Variants in DMD observed in about 807,000 individuals in gnomAD.
DMD encodes dystrophin.
DMD carries 63 observed loss-of-function variants against 330.1 expected under a neutral mutation model. That is an observed-to-expected ratio of 0.19 (90% confidence interval 0.16 to 0.24). The LOEUF is 0.24. Ranked by LOEUF, DMD falls within the 10% of genes least tolerant of loss-of-function variation. The pLI is 1.00. For missense variants in DMD, 3,344 were observed against 2,684.1 expected (o/e 1.25, Z -5.43); for synonymous variants, 1,223 against 959.8 (o/e 1.27, Z -5.07).
At chrX:31,792,005 G>A (rs1477705981) in intron 50 of DMD, among the ~76,000 whole-genome samples, 1 of 111,866 alleles carries the variant, frequency 8.9e-6, no homozygotes, top group Admixed American at 9.5e-5. Context: ...ATATTCTCAA[G>A]AGGTATGCCT....
chrX:33,103,713 C>T (rs1487314561), intron 1 of DMD, among the ~76,000 whole-genome samples: 1 of 111,279 alleles, frequency 9.0e-6, no homozygotes, highest in Admixed American at 9.7e-5. Flanking sequence ...TTCACACGGA[C>T]GCGACTGAAA....
At chrX:33,316,776 G>A (rs2053938043) in intron 1 of DMD, among the ~76,000 whole-genome samples, 1 of 110,542 alleles carries the variant, frequency 9.0e-6, no homozygotes, top group African/African-American at 3.3e-5. Flanking sequence ...CACATTAATC[G>A]TTTTCAGTCA....
chrX:32,558,974 G>A (rs1370002719), intron 16 of DMD, among the ~76,000 whole-genome samples: 5 of 63,447 alleles, frequency 7.9e-5, no homozygotes, highest in Non-Finnish European at 1.2e-4. Context: ...TTTTTGAGAC[G>A]AAGTCTCGCT....
chrX:31,251,532 A>G (rs1292693123), intron 63 of DMD, among the ~76,000 whole-genome samples: 1 of 112,232 alleles, frequency 8.9e-6, no homozygotes. Context: ...AATATCACCA[A>G]TTCATAAATA....
chrX:32,939,763 T>C (rs2090275998), intron 2 of DMD, among the ~76,000 whole-genome samples: 1 of 111,362 alleles, frequency 9.0e-6, no homozygotes, highest in Admixed American at 9.6e-5. Context: ...ACCAGTAATT[T>C]TCAAGCTAAG....
At chrX:32,433,355 T>G (rs2098246166) in intron 29 of DMD, among the ~76,000 whole-genome samples, 1 of 111,878 alleles carries the variant, frequency 8.9e-6, no homozygotes, top group Admixed American at 9.5e-5. Context: ...TTTAATATCC[T>G]TTCAATTTCT....
At chrX:32,560,420 TATA>T (rs1179613663) in intron 16 of DMD, among the ~76,000 whole-genome samples, 8 of 111,377 alleles carry the variant, frequency 7.2e-5, no homozygotes, top group African/African-American at 2.6e-4. Context: ...AAATATTAAT[TATA>T]ATAAATTTCT....
At chrX:31,576,636 C>CT (rs34015267) in intron 55 of DMD, among the ~76,000 whole-genome samples, 1 of 110,716 alleles carries the variant, frequency 9.0e-6, no homozygotes, top group African/African-American at 3.3e-5. Context: ...CTTTCAAATA[C>CT]TTTTTTTTAA....
At chrX:31,654,100 T>C (rs137864300) in intron 54 of DMD, among the ~76,000 whole-genome samples, 37 of 112,379 alleles carry the variant, frequency 3.3e-4, no homozygotes, top group African/African-American at 1.1e-3. Context: ...AATATAAACA[T>C]TAGTTTACTT....
chrX:32,684,213 T>G (rs1216306763), intron 9 of DMD, among the ~76,000 whole-genome samples: 1 of 103,727 alleles, frequency 9.6e-6, no homozygotes, highest in Non-Finnish European at 1.9e-5. Flanking sequence ...ATATGTGTAT[T>G]GCTGTATGTA....
chrX:33,150,208 G>A (rs986799173), intron 1 of DMD, among the ~76,000 whole-genome samples: 1 of 110,143 alleles, frequency 9.1e-6, no homozygotes, highest in Non-Finnish European at 1.9e-5. Flanking sequence ...GCACAGAAAC[G>A]AAAACGTACA....
intron 12 of DMD, among the ~76,000 whole-genome samples, chrX:32,597,494 T>TA (rs2055694130): frequency 8.9e-6 from 1 of 111,737 alleles, no homozygotes; most frequent in African/African-American, 3.3e-5. Flanking sequence ...TAGGAAGAAT[T>TA]AGTGATTTTT....
chrX:31,194,664 A>C (rs2042701802), intron 67 of DMD, among the ~76,000 whole-genome samples: 1 of 112,162 alleles, frequency 8.9e-6, no homozygotes, highest in Non-Finnish European at 1.9e-5. Flanking sequence ...TTTGTGCTTG[A>C]AATGTTTCCA....
chrX:32,453,335 T>C (rs774917612), intron 26 of DMD, among the ~76,000 whole-genome samples: 3 of 110,885 alleles, frequency 2.7e-5, no homozygotes, highest in Non-Finnish European at 3.8e-5. Flanking sequence ...AGAATAATTC[T>C]GTGTTTTTAA....
chrX:32,044,636 A>G (rs1165789151), intron 44 of DMD, among the ~76,000 whole-genome samples: 7 of 109,624 alleles, frequency 6.4e-5, no homozygotes, highest in East Asian at 5.8e-4. Context: ...GTTAGCCAGG[A>G]TGGTCTCGAT....
At chrX:32,030,967 CT>C (rs891681464) in intron 44 of DMD, among the ~76,000 whole-genome samples, 29 of 111,813 alleles carry the variant, frequency 2.6e-4, no homozygotes, top group Admixed American at 1.8e-3. Flanking sequence ...CTGTATACTG[CT>C]TTCTTTAGTA....
intron 7 of DMD, among the ~76,000 whole-genome samples, chrX:32,702,782 C>A (rs916202369): frequency 9.0e-6 from 1 of 110,911 alleles, no homozygotes; most frequent in Non-Finnish European, 1.9e-5. Flanking sequence ...TAAGATGGAT[C>A]AAAAATGACT....
intron 48 of DMD, among the ~76,000 whole-genome samples, chrX:31,843,632 T>C (rs2093357125): frequency 8.9e-6 from 1 of 111,756 alleles, no homozygotes; most frequent in African/African-American, 3.3e-5. Context: ...ATGGATAGTT[T>C]GTGTATATTT....
At chrX:32,363,961 A>G (rs1603631724) in intron 36 of DMD, among the ~76,000 whole-genome samples, 1 of 111,818 alleles carries the variant, frequency 8.9e-6, no homozygotes. Flanking sequence ...TATAAGGTAT[A>G]TTTGCGTATT....
Sources: allele counts gnomAD v4.1 joint callset (sites outside exome capture counted in the v4.1 genomes callset), GRCh38; gene constraint gnomAD v4.1.1; transcripts MANE v1.5; gene names NCBI Gene and HGNC (gene_info 2026-07-23, HGNC 2026-07-21).